The following MACROD2 variants were observed in gnomAD, a reference collection of about 807,000 sequenced individuals.
MACROD2 encodes ADP-ribose glycohydrolase MACROD2.
Under a neutral mutation model 70.4 loss-of-function variants are expected in MACROD2, and 36 were observed. That is an observed-to-expected ratio of 0.51 (90% CI 0.39 to 0.68). The LOEUF (loss-of-function observed/expected upper bound fraction) is 0.68, where lower values mean the gene tolerates loss of function less well. MACROD2 is among the 30% of genes least tolerant of loss of function. The pLI is 0.00. For synonymous variants in MACROD2, 172 were observed against 178.8 expected (o/e 0.96, Z 0.30); for missense variants, 496 against 538.4 (o/e 0.92, Z 0.78).
intron 5 of MACROD2, among the ~76,000 whole-genome samples, chr20:14,718,316 A>AAAG (rs2071421647): frequency 6.6e-6 from 1 of 150,696 alleles, no homozygotes; most frequent in South Asian, 2.1e-4. Flanking sequence ...AAAAAAAAAA[A>AAAG]AAGAAGAGAT....
chr20:15,801,835 G>A (rs909006228), intron 8 of MACROD2, among the ~76,000 whole-genome samples: 3 of 151,980 alleles, frequency 2.0e-5, no homozygotes, highest in African/African-American at 7.3e-5. Flanking sequence ...TCATGAACAG[G>A]GGATGTCTTT....
intron 4 of MACROD2, among the ~76,000 whole-genome samples, chr20:14,561,195 T>C (rs1222574474): frequency 6.6e-6 from 1 of 151,860 alleles, no homozygotes; most frequent in Non-Finnish European, 1.5e-5. Context: ...TGTATGTAAA[T>C]TGTATATGAA....
chr20:15,403,640 C>A (rs6043256), intron 6 of MACROD2, among the ~76,000 whole-genome samples: 6,067 of 152,170 alleles, frequency 0.04, 374 homozygotes, highest in African/African-American at 0.14. Context: ...GGTTCTGGGC[C>A]ATGCGGTCTA....
chr20:14,314,028 A>G (rs762908663), intron 3 of MACROD2, among the ~76,000 whole-genome samples: 1 of 152,212 alleles, frequency 6.6e-6, no homozygotes, highest in Non-Finnish European at 1.5e-5. Flanking sequence ...ATACACTGAT[A>G]CATTTTAGTA....
At chr20:14,455,509 A>T (rs1273643401) in intron 3 of MACROD2, among the ~76,000 whole-genome samples, 1 of 151,852 alleles carries the variant, frequency 6.6e-6, no homozygotes, top group Non-Finnish European at 1.5e-5. Flanking sequence ...CAAAGCATTC[A>T]ACCTGCCCCT....
intron 13 of MACROD2, among the ~76,000 whole-genome samples, chr20:15,977,495 A>G (rs1377125908): frequency 6.6e-6 from 1 of 152,256 alleles, no homozygotes; most frequent in Non-Finnish European, 1.5e-5. Flanking sequence ...GCTTAGTAGC[A>G]TACAAGACTT....
At chr20:14,828,449 T>G (rs1177212301) in intron 5 of MACROD2, among the ~76,000 whole-genome samples, 2 of 152,152 alleles carry the variant, frequency 1.3e-5, no homozygotes, top group Admixed American at 6.5e-5. Flanking sequence ...GTATGGACAT[T>G]CTTTTCTTAA....
At chr20:14,691,846 G>A (rs572084739) in intron 5 of MACROD2, among the ~76,000 whole-genome samples, 5 of 152,204 alleles carry the variant, frequency 3.3e-5, no homozygotes, top group African/African-American at 7.2e-5. Flanking sequence ...GAGAAAAGCC[G>A]CTTTTGAAGA....
chr20:15,974,277 A>G (rs993160627), intron 13 of MACROD2, among the ~76,000 whole-genome samples: 1 of 152,136 alleles, frequency 6.6e-6, no homozygotes, highest in African/African-American at 2.4e-5. Context: ...AGCAGAGATG[A>G]AACATAGAAA....
At chr20:14,794,733 C>T (rs1019764166) in intron 5 of MACROD2, among the ~76,000 whole-genome samples, 1 of 152,076 alleles carries the variant, frequency 6.6e-6, no homozygotes, top group South Asian at 2.1e-4. Flanking sequence ...CAAATGTTTA[C>T]TGGGGTCTTA....
chr20:15,445,537 G>A (rs1215912778), intron 7 of MACROD2, among the ~76,000 whole-genome samples: 2 of 152,024 alleles, frequency 1.3e-5, no homozygotes, highest in Admixed American at 6.6e-5. Context: ...AGATTCTTAC[G>A]GACAAAACCA....
chr20:15,795,125 T>C lies in MACROD2; in HGVS notation c.646-67620T>C, dbSNP rs78398872. Reference sequence around the variant, plus strand: ...TAATGTGAATAGTGCCCCCAGGGAGTTGTGCAATTGCAACCTTCCTAGCCA... The same window carrying C: ...TAATGTGAATAGTGCCCCCAGGGAGCTGTGCAATTGCAACCTTCCTAGCCA... On this transcript the variant is annotated intron_variant, in intron 8 of 17. Transcript: ENST00000684519. 5.5e-3 allele frequency among the ~76,000 whole-genome samples: 838 copies of C among 152,024 alleles called. 6 individuals carry two copies. The highest frequency in any genetic ancestry group is 0.016 in the African/African-American group (644 of 41,452).
chr20:15,937,765 A>G (rs988504423), intron 12 of MACROD2, among the ~76,000 whole-genome samples: 1 of 151,736 alleles, frequency 6.6e-6, no homozygotes, highest in Admixed American at 6.6e-5. Context: ...ATATATGTAT[A>G]TATAACATTT....
intron 3 of MACROD2, among the ~76,000 whole-genome samples, chr20:14,311,666 C>T (rs564330928): frequency 4.6e-5 from 7 of 152,068 alleles, no homozygotes; most frequent in Middle Eastern, 3.4e-3. Context: ...TACAGATGCC[C>T]GCCACCATGC....
chr20:14,159,117 A>G (rs2055147593), intron 3 of MACROD2, among the ~76,000 whole-genome samples: 2 of 152,174 alleles, frequency 1.3e-5, no homozygotes, highest in Admixed American at 1.3e-4. Context: ...GGGTGCCTGT[A>G]ATCCCAGCTA....
intron 5 of MACROD2, among the ~76,000 whole-genome samples, chr20:14,708,702 C>T (rs542377274): frequency 6.6e-6 from 1 of 152,276 alleles, no homozygotes; most frequent in South Asian, 2.1e-4. Flanking sequence ...AATGCAACCT[C>T]CCCCTCCCAC....
At chr20:14,611,725 T>G (rs1983182358) in intron 4 of MACROD2, among the ~76,000 whole-genome samples, 4 of 152,060 alleles carry the variant, frequency 2.6e-5, no homozygotes, top group Non-Finnish European at 5.9e-5. Flanking sequence ...TTGGTAAATC[T>G]GTGTAGGATT....
intron 3 of MACROD2, among the ~76,000 whole-genome samples, chr20:14,414,965 G>A (rs1389184293): frequency 6.7e-6 from 1 of 149,602 alleles, no homozygotes; most frequent in Non-Finnish European, 1.5e-5. Context: ...CTATCACCAT[G>A]TATTAGTATA....
chr20:15,066,265 G>A (rs541752681), intron 5 of MACROD2, among the ~76,000 whole-genome samples: 67 of 151,956 alleles, frequency 4.4e-4, no homozygotes, highest in African/African-American at 1.6e-3. Context: ...TGGAGTAGCT[G>A]GGATTACAGG....
Sources: gnomAD v4.1 joint callset for allele counts (sites outside exome capture counted in the v4.1 genomes callset) on GRCh38, gnomAD v4.1.1 for gene constraint, MANE v1.5 for transcripts, NCBI Gene and HGNC (gene_info 2026-07-23, HGNC 2026-07-21) for gene names.